Variants in CDH13 observed in about 807,000 individuals in gnomAD.
CDH13 encodes cadherin-13.
Under a neutral mutation model 63.8 loss-of-function variants are expected in CDH13, and 24 were observed. That is an observed-to-expected ratio of 0.38 (90% CI 0.27 to 0.53). The LOEUF is 0.53. Ranked by LOEUF, CDH13 falls within the 20% of genes least tolerant of loss-of-function variation. The probability of loss-of-function intolerance (pLI) is 0.85; values close to 1 mark genes in which losing one functional copy is unlikely to be tolerated. For missense variants in CDH13, 1,049 were observed against 903.1 expected (o/e 1.16, Z -2.07); for synonymous variants, 503 against 355.3 (o/e 1.42, Z -4.67).
chr16:83,009,885 G>T (rs1228918410), intron 2 of CDH13, among the ~76,000 whole-genome samples: 1 of 152,094 alleles, frequency 6.6e-6, no homozygotes, highest in East Asian at 1.9e-4. Flanking sequence ...TGTAATCTCA[G>T]CACTTTGGGA....
At chr16:83,234,898 G>A (rs1471005671) in intron 5 of CDH13, among the ~76,000 whole-genome samples, 1 of 152,176 alleles carries the variant, frequency 6.6e-6, no homozygotes, top group Non-Finnish European at 1.5e-5. Context: ...CACTGACTCT[G>A]TTAACTGCTT....
At chr16:82,885,490 T>TCCAC (rs1436427078) in intron 2 of CDH13, among the ~76,000 whole-genome samples, 1 of 144,234 alleles carries the variant, frequency 6.9e-6, no homozygotes, top group South Asian at 2.3e-4. Flanking sequence ...CACCCATCCA[T>TCCAC]CCATCCATCC....
chr16:83,278,260 C>G (rs1267421191), intron 5 of CDH13, among the ~76,000 whole-genome samples: 1 of 152,196 alleles, frequency 6.6e-6, no homozygotes, highest in African/African-American at 2.4e-5. Flanking sequence ...CTTTATCTCT[C>G]ATTCCCAAAG....
At chr16:82,668,718 G>T (rs1912900077) in intron 1 of CDH13, among the ~76,000 whole-genome samples, 1 of 152,198 alleles carries the variant, frequency 6.6e-6, no homozygotes, top group South Asian at 2.1e-4. Context: ...GGGAATGACT[G>T]TCGTAGGAGT....
intron 1 of CDH13, among the ~76,000 whole-genome samples, chr16:82,836,974 C>G (rs1407297180): frequency 6.6e-6 from 1 of 152,212 alleles, no homozygotes; most frequent in Non-Finnish European, 1.5e-5. Context: ...AACAAAGGCT[C>G]AAATTCACTA....
chr16:82,804,873 A>T (rs892243567), intron 1 of CDH13, among the ~76,000 whole-genome samples: 17 of 152,252 alleles, frequency 1.1e-4, no homozygotes, highest in African/African-American at 4.1e-4. Flanking sequence ...GGGTTATCAA[A>T]GAATGTTCAA....
At chr16:82,688,540 T>C (rs1285062220) in intron 1 of CDH13, among the ~76,000 whole-genome samples, 1 of 152,236 alleles carries the variant, frequency 6.6e-6, no homozygotes, top group African/African-American at 2.4e-5. Flanking sequence ...GACTCAGAAA[T>C]ATTTATTGAA....
At chr16:83,681,390 G>A (rs761261609) in intron 10 of CDH13, among the ~76,000 whole-genome samples, 24 of 152,164 alleles carry the variant, frequency 1.6e-4, no homozygotes, top group Non-Finnish European at 2.1e-4. Context: ...TTTCCCAGCC[G>A]TGGAGCAAAG....
At chr16:83,031,245 GC>G (rs1916289113) in intron 2 of CDH13, among the ~76,000 whole-genome samples, 2 of 146,094 alleles carry the variant, frequency 1.4e-5, no homozygotes, top group African/African-American at 5.0e-5. Flanking sequence ...CCATATACAT[GC>G]GCATGTATAC....
At chr16:83,046,428 A>G (rs1567778323) in intron 3 of CDH13, among the ~76,000 whole-genome samples, 1 of 152,202 alleles carries the variant, frequency 6.6e-6, no homozygotes, top group Non-Finnish European at 1.5e-5. Context: ...AAGAAAGTCA[A>G]TTCTCTAAGA....
At chr16:82,975,665 C>G (rs1176307256) in intron 2 of CDH13, among the ~76,000 whole-genome samples, 2 of 152,184 alleles carry the variant, frequency 1.3e-5, no homozygotes, top group African/African-American at 2.4e-5. Flanking sequence ...TTCCTCAACT[C>G]CAAGAAAATT....
intron 7 of CDH13, among the ~76,000 whole-genome samples, chr16:83,556,802 A>G (rs1231685201): frequency 6.6e-6 from 1 of 152,242 alleles, no homozygotes; most frequent in Non-Finnish European, 1.5e-5. Context: ...ACACTTAGGC[A>G]AGAAGAAATG....
chr16:83,666,279 G>T (rs1567498517), intron 8 of CDH13, among the ~76,000 whole-genome samples: 1 of 151,952 alleles, frequency 6.6e-6, no homozygotes, highest in Non-Finnish European at 1.5e-5. Context: ...ATATAATGGG[G>T]TTAAAACATT....
intron 11 of CDH13, among the ~76,000 whole-genome samples, chr16:83,778,021 A>T (rs1915240894): frequency 6.6e-6 from 1 of 152,230 alleles, no homozygotes; most frequent in South Asian, 2.1e-4. Context: ...GTAATTTTAG[A>T]GGTGCTTCAA....
chr16:82,921,239 G>T (rs1220882457), intron 2 of CDH13, among the ~76,000 whole-genome samples: 2 of 151,960 alleles, frequency 1.3e-5, no homozygotes, highest in Non-Finnish European at 2.9e-5. Context: ...GGCATCAGTG[G>T]GTGGAATTAA....
At chr16:83,011,710 T>G (rs1914175074) in intron 2 of CDH13, among the ~76,000 whole-genome samples, 1 of 152,168 alleles carries the variant, frequency 6.6e-6, no homozygotes, top group Non-Finnish European at 1.5e-5. Context: ...TTTCCTTTCT[T>G]CCCTTCTTCT....
intron 1 of CDH13, chr16:82,727,509 C>T (rs16958359): frequency 6.6e-6 from 1 of 152,074 alleles, no homozygotes; most frequent in Admixed American, 6.6e-5. Context: ...TTTCGAGATG[C>T]ATTAGCCGCA....
rs79568997 is a variant in CDH13 at position 82,688,894 on chromosome 16, C to T, written c.45+61757C>T. ...ACCAATTTGCTTCTTGGAAAAGGGA[C>T]CAAATAGGACCCAGAGAGGGGCTTG... On this transcript the variant is annotated intron_variant, in intron 1 of 13. Coordinates refer to ENST00000567109, the MANE Select transcript of CDH13 (RefSeq NM_001257.5). 4.3e-4 allele frequency: 66 copies of T among 152,224 alleles called. No individual in the cohort carries two copies. In the East Asian group the frequency reaches 0.012, roughly 27 times the overall value. The allele number at this position is 152,224 out of a possible 1,614,324, so 9.4% of individuals were successfully genotyped here.
chr16:83,440,549 G>A (rs1459735003), intron 6 of CDH13, among the ~76,000 whole-genome samples: 1 of 152,132 alleles, frequency 6.6e-6, no homozygotes, highest in African/African-American at 2.4e-5. Context: ...GGAGGCCAAG[G>A]CAGGCAGATC....
Sources: allele counts gnomAD v4.1 joint callset (sites outside exome capture counted in the v4.1 genomes callset), GRCh38; gene constraint gnomAD v4.1.1; transcripts MANE v1.5; gene names NCBI Gene and HGNC (gene_info 2026-07-23, HGNC 2026-07-21).